Variants in RICTOR observed in about 807,000 individuals in gnomAD.
RICTOR encodes the protein RPTOR independent companion of MTOR complex 2.
Under a neutral mutation model 214.9 loss-of-function variants are expected in RICTOR, and 49 were observed. The ratio of observed to expected loss-of-function variants is 0.23; its 90% CI spans 0.18 to 0.29. RICTOR has a LOEUF of 0.29. Among genes scored for constraint, RICTOR ranks in the 10% least tolerant of loss-of-function variants. The pLI is 1.00. For missense variants in RICTOR, 1,625 were observed against 2,047.0 expected (o/e 0.79, Z 3.98); for synonymous variants, 717 against 711.3 (o/e 1.01, Z -0.13).
chr5:39,057,426 T>G (rs1277972062), intron 2 of RICTOR, among the ~76,000 whole-genome samples: 1 of 152,084 alleles, frequency 6.6e-6, no homozygotes, highest in African/African-American at 2.4e-5. Context: ...TTAGTAATAT[T>G]TTAATAATCA....
Position 38,963,057 on chromosome 5 carries a change from A to G in RICTOR, c.1401-16T>C, listed in dbSNP as rs779088436. The G allele has an allele frequency of 1.3e-6, 2 of 1,595,092 alleles. No individual in the cohort carries two copies. Among genetic ancestry groups the G allele is most frequent in the South Asian group, 2.3e-5 (2 of 88,380 alleles). On this transcript the variant is annotated splice_polypyrimidine_tract_variant and intron_variant, in intron 16 of 37. Transcript: ENST00000357387. ...ACTGGCTCGCCTAATGAGAAAAACA[A>G]TTCAATCAATACAGTAGCAAGACCA...
In RICTOR at chr5:38,966,705, A is replaced by T. The variant is rs1750256298; in HGVS notation, c.1235T>A (p.Ile412Lys). Reference sequence around the variant, plus strand: ...TGAGATATGATCATCACTGTTTGTTATCACTTCAACTAGACCCTTTGAAAA... The same window carrying T: ...TGAGATATGATCATCACTGTTTGTTTTCACTTCAACTAGACCCTTTGAAAA... ...NGLLEGLVEV[I>K]TNSDDHISVR... The change falls in exon 15 of 38, where the codon ATA becomes AAA. Residue 412 changes from isoleucine to lysine, a missense_variant. Ile to Lys is a moderately radical substitution (Grantham distance 102). Coordinates refer to ENST00000357387, the MANE Select transcript of RICTOR (RefSeq NM_152756.5). 6.3e-7 allele frequency: 1 copy of T among 1,575,490 alleles called. No individual in the cohort carries two copies. The highest frequency in any genetic ancestry group is 1.4e-5 in the African/African-American group (1 of 74,032).
chr5:39,037,945 G>A (rs1342001474), intron 2 of RICTOR, among the ~76,000 whole-genome samples: 1 of 152,178 alleles, frequency 6.6e-6, no homozygotes, highest in Non-Finnish European at 1.5e-5. Context: ...TAGAAAAAGA[G>A]GGAATCCTCC....
intron 2 of RICTOR, 36 bp downstream of exon 2, chr5:39,074,075 G>A (rs1561094454): frequency 6.5e-7 from 1 of 1,536,622 alleles, no homozygotes; most frequent in Non-Finnish European, 8.8e-7. Flanking sequence ...CTCCCCAGCA[G>A]CGCGCCCTCG....
intron 2 of RICTOR, among the ~76,000 whole-genome samples, chr5:39,046,653 A>G (rs1757522745): frequency 6.6e-6 from 1 of 152,062 alleles, no homozygotes; most frequent in Non-Finnish European, 1.5e-5. Flanking sequence ...CAAATCCACC[A>G]TATTTCCCGT....
intron 10 of RICTOR, among the ~76,000 whole-genome samples, chr5:38,972,502 C>A (rs186215646): frequency 8.7e-4 from 132 of 152,220 alleles, no homozygotes; most frequent in African/African-American, 3.1e-3. Context: ...TAAACACACA[C>A]AAAGTGCTCA....
rs768369548 is a variant in RICTOR at position 38,981,991 on chromosome 5, G to A, written c.629C>T (p.Thr210Ile). ...EVVALRGGLN[T>I]ILKNVIDCQL... ...GCAATCGATCACATTTTTCAAGATG[G>A]TGTTTAGTCCACCTCGAAGGGCCAC... The change falls in exon 8 of 38, where the codon ACC becomes ATC. Residue 210 changes from threonine (T) to isoleucine (I), a missense_variant. Physicochemically the swap from Thr to Ile is moderately conservative, Grantham distance 89. Coordinates refer to ENST00000357387, the MANE Select transcript of RICTOR (RefSeq NM_152756.5). 11 of 1,612,998 alleles carry A rather than the reference G, an allele frequency of 6.8e-6. No homozygotes were observed. In the East Asian group the frequency reaches 2.2e-4, roughly 33 times the overall value.
intron 21 of RICTOR, 69 bp downstream of exon 21, chr5:38,959,710 C>T (rs1277080339): frequency 2.0e-6 from 2 of 981,292 alleles, no homozygotes; most frequent in African/African-American, 3.3e-5. Context: ...GAATAAAAAG[C>T]ATACCATATC....
intron 1 of RICTOR, 25 bp downstream of exon 1, chr5:39,074,304 G>A: frequency 1.3e-6 from 2 of 1,557,498 alleles, no homozygotes; most frequent in East Asian, 2.4e-5. Flanking sequence ...CGGGCGGTGG[G>A]GAGTGAGGGT....
intron 19 of RICTOR, among the ~76,000 whole-genome samples, chr5:38,961,945 G>T (rs999753366): frequency 6.6e-6 from 1 of 151,910 alleles, no homozygotes; most frequent in Non-Finnish European, 1.5e-5. Flanking sequence ...CAGTTATAAT[G>T]GATAACTCCA....
At chr5:39,021,570 T>G (rs757264646) in intron 2 of RICTOR, among the ~76,000 whole-genome samples, 40 of 152,000 alleles carry the variant, frequency 2.6e-4, no homozygotes, top group Non-Finnish European at 1.9e-4. Context: ...AGCTTTTGGC[T>G]CTCTCTTGCA....
chr5:38,967,562 ACAGACAAAAATTAGTTATGTAAATACACG>A (rs1314122691), intron 12 of RICTOR, 135 bp from the exon 13 acceptor site: 16 of 644,042 alleles, frequency 2.5e-5, no homozygotes, highest in Admixed American at 6.5e-5. Flanking sequence ...TCAAAAAGAT[ACAGACAAAAATTAGTTATGTAAATACACG>A]CAGATCTAAT....
intron 10 of RICTOR, among the ~76,000 whole-genome samples, chr5:38,972,890 AAC>A: frequency 6.6e-6 from 1 of 150,894 alleles, no homozygotes; most frequent in African/African-American, 2.5e-5. Flanking sequence ...AAAAAAGAAC[AAC>A]AAAAACTGAA....
intron 2 of RICTOR, among the ~76,000 whole-genome samples, chr5:39,070,429 A>G (rs925225939): frequency 1.8e-4 from 28 of 152,178 alleles, no homozygotes; most frequent in Admixed American, 5.9e-4. Flanking sequence ...AGATTGCGCC[A>G]CTGCAGTCCG....
In RICTOR at chr5:39,021,081, T is replaced by C. The variant is rs752590400; in HGVS notation, c.153A>G (p.Val51=). The part of the protein sequence containing the change: ...ILQNVARLQG[V]SNMRKLGHLN... The stretch of plus-strand genomic sequence containing the variant: ...GATGGCCTAGCTTTCTCATATTTGA[T>C]ACTCCCTGCAATCTGGCCACATTTT... The change falls in exon 3 of 38, where the codon GTA becomes GTG. Residue 51 remains valine, a synonymous_variant. Transcript: ENST00000357387. 6.2e-6 allele frequency: 10 copies of C among 1,602,016 alleles called. No individual in the cohort carries two copies. In the East Asian group the frequency reaches 2.0e-4, roughly 32 times the overall value.
At position 38,940,850 on chromosome 5, in the gene RICTOR, C is replaced by CA. The variant is rs1044239324; in HGVS notation, c.*1453dup. On this transcript the variant is annotated 3_prime_UTR_variant, in exon 38 of 38. Transcript: ENST00000357387. ...GAGATCTCAAAGAACAAGCCCATTACAAAAAGGATCTGCATCATGGGAAAA... is the reference window on the plus strand; with the variant it reads ...GAGATCTCAAAGAACAAGCCCATTACAAAAAAGGATCTGCATCATGGGAAAA... 2 of 231,904 alleles carry CA rather than the reference C, an allele frequency of 8.6e-6. No individual in the cohort carries two copies. Among genetic ancestry groups the CA allele is most frequent in the Non-Finnish European group, 1.7e-5 (2 of 117,362 alleles). 14.4% of individuals were successfully genotyped at this position (231,904 alleles called of 1,614,324 possible). A position where few individuals can be genotyped will look rare whatever the true frequency, so the allele number is the denominator to read the frequency against.
At chr5:39,035,996 C>A (rs1756660319) in intron 2 of RICTOR, among the ~76,000 whole-genome samples, 1 of 152,118 alleles carries the variant, frequency 6.6e-6, no homozygotes, top group Non-Finnish European at 1.5e-5. Flanking sequence ...AGAAGAGCAA[C>A]TCCAAGACAC....
At chr5:39,022,532 G>A (rs1755508635) in intron 2 of RICTOR, 1 of 153,468 alleles carries the variant, frequency 6.5e-6, no homozygotes, top group Non-Finnish European at 1.5e-5. Context: ...GTTGGAAATT[G>A]CTGCTGTTCA....
intron 3 of RICTOR, among the ~76,000 whole-genome samples, chr5:39,012,752 A>T (rs1411632430): frequency 2.6e-5 from 4 of 152,198 alleles, no homozygotes; most frequent in African/African-American, 9.7e-5. Flanking sequence ...GTTAAGAATT[A>T]GCGTTTACAG....
Sources: gnomAD v4.1 joint callset for allele counts (sites outside exome capture counted in the v4.1 genomes callset) on GRCh38, gnomAD v4.1.1 for gene constraint, MANE v1.5 for transcripts, NCBI Gene and HGNC (gene_info 2026-07-23, HGNC 2026-07-21) for gene names.